The following WDFY2 variants were observed in gnomAD, a reference collection of about 807,000 sequenced individuals.
WDFY2 encodes WD repeat and FYVE domain-containing protein 2.
WDFY2 carries 36 observed loss-of-function variants against 56.4 expected under a neutral mutation model. The ratio of observed to expected loss-of-function variants is 0.64; its 90% confidence interval spans 0.49 to 0.84. The LOEUF (loss-of-function observed/expected upper bound fraction) is 0.84. Among genes scored for constraint, WDFY2 ranks in the 40% least tolerant of loss-of-function variants. The pLI is 0.00. For synonymous variants in WDFY2, 176 were observed against 183.7 expected, an observed-to-expected ratio of 0.96 and a Z score of 0.34; for missense variants, 444 against 512.2, an observed-to-expected ratio of 0.87 and a Z score of 1.29.
intron 1 of WDFY2, among the ~76,000 whole-genome samples, chr13:51,652,895 G>A (rs58897952): frequency 5.3e-5 from 8 of 151,982 alleles, no homozygotes; most frequent in Non-Finnish European, 8.8e-5. Context: ...GGAGTTGCTC[G>A]TCTCGAGGAG....
chr13:51,689,595 G>A (rs1239556579), intron 3 of WDFY2, among the ~76,000 whole-genome samples: 1 of 152,040 alleles, frequency 6.6e-6, no homozygotes, highest in African/African-American at 2.4e-5. Flanking sequence ...AGCCTAAGTG[G>A]GGGATTTGCA....
At chr13:51,712,608 T>G (rs979396438) in intron 4 of WDFY2, among the ~76,000 whole-genome samples, 1 of 151,784 alleles carries the variant, frequency 6.6e-6, no homozygotes, top group African/African-American at 2.4e-5. Context: ...AAGAGTCTCC[T>G]AAGCAGAAAA....
At chr13:51,662,504 T>C (rs1256240428) in intron 2 of WDFY2, among the ~76,000 whole-genome samples, 1 of 152,170 alleles carries the variant, frequency 6.6e-6, no homozygotes, top group Non-Finnish European at 1.5e-5. Flanking sequence ...TGAGCGTTAA[T>C]AGGGACCTCA....
chr13:51,592,705 T>A (rs1566299955), intron 1 of WDFY2: 1 of 152,236 alleles, frequency 6.6e-6, no homozygotes, highest in African/African-American at 2.4e-5. Context: ...CAGAGCTATT[T>A]AGAGATTTTA....
At position 51,584,542 on chromosome 13, in the gene WDFY2, C is replaced by A. The variant is rs947216458; in HGVS notation, c.-146C>A. On this transcript the variant is annotated 5_prime_UTR_variant, in exon 1 of 12. Coordinates refer to ENST00000298125, the MANE Select transcript of WDFY2 (RefSeq NM_052950.4). Reference sequence around the variant, plus strand: ...AGCGCGGAGTCGTTCCCGAGAGAGGCGGCCAGGCTATGCTCGCCGGTTTCC... The same window carrying A: ...AGCGCGGAGTCGTTCCCGAGAGAGGAGGCCAGGCTATGCTCGCCGGTTTCC... 49 of 1,148,612 alleles carry A rather than the reference C, an allele frequency of 4.3e-5. No individual in the cohort carries two copies. The highest frequency in any genetic ancestry group is 5.4e-5 in the Non-Finnish European group (46 of 846,050). 71.2% of individuals were successfully genotyped at this position (1,148,612 alleles called of 1,614,324 possible). A position where few individuals can be genotyped will look rare whatever the true frequency, so the allele number is the denominator to read the frequency against.
intron 9 of WDFY2, among the ~76,000 whole-genome samples, chr13:51,755,900 C>A (rs2138739169): frequency 6.6e-6 from 1 of 152,282 alleles, no homozygotes; most frequent in African/African-American, 2.4e-5. Context: ...CCAAGGAAAT[C>A]AAATGTTAGG....
chr13:51,746,621 T>C (rs1466650864), intron 7 of WDFY2, among the ~76,000 whole-genome samples: 1 of 152,226 alleles, frequency 6.6e-6, no homozygotes, highest in Admixed American at 6.5e-5. Flanking sequence ...TCCATGAAAA[T>C]TAAGGAATCT....
intron 7 of WDFY2, among the ~76,000 whole-genome samples, chr13:51,750,261 G>A (rs1953199975): frequency 6.6e-6 from 1 of 152,106 alleles, no homozygotes; most frequent in Non-Finnish European, 1.5e-5. Context: ...CAAACAATCA[G>A]AACAAGTTCT....
At chr13:51,650,797 G>C (rs1245212824) in intron 1 of WDFY2, among the ~76,000 whole-genome samples, 1 of 152,230 alleles carries the variant, frequency 6.6e-6, no homozygotes, top group Admixed American at 6.5e-5. Context: ...TTTTTGATGT[G>C]TTGCTGGATT....
rs201082585 is a variant in WDFY2, at chr13:51,671,605, CATATTAGT to C, written c.206-3564_206-3557del. 5.9e-3 allele frequency among the ~76,000 whole-genome samples: 894 copies of C among 151,940 alleles called. 6 individuals carry two copies. The highest frequency in any genetic ancestry group is 0.02 in the African/African-American group (839 of 41,450). ...TTGTTTGAGTTCCTTGTAGATTCTGCATATTAGTCCTTTGTTGGATGTTTTAATTGTTT... is the reference window on the plus strand; with the variant it reads ...TTGTTTGAGTTCCTTGTAGATTCTGCCCTTTGTTGGATGTTTTAATTGTTT... On this transcript the variant is annotated intron_variant, in intron 2 of 11. Coordinates refer to ENST00000298125, the MANE Select transcript of WDFY2 (RefSeq NM_052950.4).
intron 1 of WDFY2, among the ~76,000 whole-genome samples, chr13:51,604,232 G>A (rs61958297): frequency 1.3e-5 from 2 of 152,028 alleles, no homozygotes; most frequent in African/African-American, 2.4e-5. Context: ...AATATTTATC[G>A]ACAAGGTTTC....
At chr13:51,654,851 C>T (rs1461330385) in intron 1 of WDFY2, among the ~76,000 whole-genome samples, 1 of 151,692 alleles carries the variant, frequency 6.6e-6, no homozygotes, top group East Asian at 1.9e-4. Flanking sequence ...ATATACTGTA[C>T]TTTTATTTTT....
At chr13:51,671,950 ATTT>A (rs1299780612) in intron 2 of WDFY2, among the ~76,000 whole-genome samples, 1 of 151,138 alleles carries the variant, frequency 6.6e-6, no homozygotes, top group African/African-American at 2.4e-5. Flanking sequence ...CACCCGCCTA[ATTT>A]TTGTATTTTT....
At chr13:51,666,818 T>C (rs1297789040) in intron 2 of WDFY2, among the ~76,000 whole-genome samples, 1 of 152,220 alleles carries the variant, frequency 6.6e-6, no homozygotes, top group Non-Finnish European at 1.5e-5. Flanking sequence ...CCATTTCAAA[T>C]GGTAGGTAAT....
rs751258631 is a variant in WDFY2, at chr13:51,635,338, G to A, written c.138-25258G>A. Among the ~76,000 whole-genome samples the A allele has an allele frequency of 3.3e-5, 5 of 152,312 alleles. No individual in the cohort carries two copies. In the South Asian group the frequency reaches 1.0e-3, roughly 32 times the overall value. ...CCAGGCTGTGAAGAACAGCAGCTTT[G>A]CGTAATTGAGAGAATTTCACAGAAC... On this transcript the variant is annotated intron_variant, in intron 1 of 11. Coordinates refer to ENST00000298125, the MANE Select transcript of WDFY2 (RefSeq NM_052950.4).
chr13:51,621,389 C>T (rs1039773609), intron 1 of WDFY2, among the ~76,000 whole-genome samples: 1 of 152,080 alleles, frequency 6.6e-6, no homozygotes, highest in African/African-American at 2.4e-5. Context: ...CCTGTAATTC[C>T]AGCTACTTGG....
At chr13:51,668,689 G>T (rs1412668198) in intron 2 of WDFY2, among the ~76,000 whole-genome samples, 1 of 152,146 alleles carries the variant, frequency 6.6e-6, no homozygotes, top group African/African-American at 2.4e-5. Flanking sequence ...ACTTCACCAG[G>T]ATACCGTTAG....
At chr13:51,637,038 C>G (rs1322500728) in intron 1 of WDFY2, among the ~76,000 whole-genome samples, 1 of 152,192 alleles carries the variant, frequency 6.6e-6, no homozygotes, top group Non-Finnish European at 1.5e-5. Flanking sequence ...TGCATTTTAA[C>G]AAGATCCCTA....
At chr13:51,724,409 T>C (rs999625817) in intron 5 of WDFY2, among the ~76,000 whole-genome samples, 3 of 152,038 alleles carry the variant, frequency 2.0e-5, no homozygotes, top group Non-Finnish European at 2.9e-5. Flanking sequence ...AGCTAATTTT[T>C]TGTATTTTTA....
Sources: allele counts gnomAD v4.1 joint callset (sites outside exome capture counted in the v4.1 genomes callset), GRCh38; gene constraint gnomAD v4.1.1; transcripts MANE v1.5; gene names NCBI Gene and HGNC (gene_info 2026-07-23, HGNC 2026-07-21).